Variants in IGF1R observed in about 807,000 individuals in gnomAD.
IGF1R encodes insulin like growth factor 1 receptor.
IGF1R carries 44 observed loss-of-function variants against 144.6 expected under a neutral mutation model. The observed-to-expected ratio is 0.30, with a 90% CI of 0.24 to 0.39. The LOEUF is 0.39. Ranked by LOEUF, IGF1R falls within the 10% of genes least tolerant of loss-of-function variation. IGF1R has a pLI of 1.00. For missense variants in IGF1R, 1,355 were observed against 1,833.7 expected (o/e 0.74, Z 4.77); for synonymous variants, 795 against 722.8 (o/e 1.10, Z -1.60).
chr15:98,763,489 G>A (rs1245735091), intron 2 of IGF1R, among the ~76,000 whole-genome samples: 1 of 150,556 alleles, frequency 6.6e-6, no homozygotes. Flanking sequence ...TGAGAACAAA[G>A]AATGTGTCCT....
At chr15:98,787,977 C>T (rs1257640601) in intron 2 of IGF1R, among the ~76,000 whole-genome samples, 5 of 151,886 alleles carry the variant, frequency 3.3e-5, no homozygotes, top group African/African-American at 7.3e-5. Context: ...TTGTTCACCA[C>T]GCTTGATGGC....
intron 2 of IGF1R, among the ~76,000 whole-genome samples, chr15:98,862,812 T>A (rs2715447): frequency 1 from 151,933 of 152,376 alleles, 75,747 homozygotes; most frequent in Middle Eastern, 1. Context: ...ATTAACTTTT[T>A]AATTTGAAAT....
At chr15:98,690,333 A>ACC (rs377721397) in intron 1 of IGF1R, among the ~76,000 whole-genome samples, 1 of 67,086 alleles carries the variant, frequency 1.5e-5, no homozygotes, top group African/African-American at 1.1e-4. Context: ...ACAGAGCAAG[A>ACC]CTATCCCAAA....
chr15:98,879,053 G>A (rs371385299), intron 2 of IGF1R, among the ~76,000 whole-genome samples: 1 of 152,114 alleles, frequency 6.6e-6, no homozygotes, highest in South Asian at 2.1e-4. Context: ...GTGTCCATGC[G>A]TGAAGAAACC....
At chr15:98,892,908 T>C (rs887716997) in intron 3 of IGF1R, among the ~76,000 whole-genome samples, 1 of 152,190 alleles carries the variant, frequency 6.6e-6, no homozygotes, top group African/African-American at 2.4e-5. Flanking sequence ...TCTCAGCTCC[T>C]TGGGAGTTGC....
chr15:98,886,197 G>T (rs1035861329), intron 2 of IGF1R, among the ~76,000 whole-genome samples: 1 of 152,132 alleles, frequency 6.6e-6, no homozygotes, highest in East Asian at 1.9e-4. Context: ...AAAACAAATG[G>T]TTTTTTAAAA....
intron 2 of IGF1R, among the ~76,000 whole-genome samples, chr15:98,810,043 G>A (rs2056552546): frequency 6.6e-6 from 1 of 152,068 alleles, no homozygotes; most frequent in Non-Finnish European, 1.5e-5. Context: ...TGGGAGCAAT[G>A]CTGAACCACT....
At chr15:98,816,921 A>G (rs1230505111) in intron 2 of IGF1R, among the ~76,000 whole-genome samples, 1 of 152,184 alleles carries the variant, frequency 6.6e-6, no homozygotes, top group South Asian at 2.1e-4. Context: ...GAGATCCTCA[A>G]AGCCAGGTTC....
rs774479139 is a variant in IGF1R at position 98,649,616 on chromosome 15, C to T, written c.35C>T (p.Ser12Leu). ...KSGSGGGSPT[S>L]LWGLLFLSAA... ...GGCTCCGGAGGAGGGTCCCCGACCT[C>T]GCTGTGGGGGCTCCTGTTTCTCTCC... The change falls in exon 1 of 21, where the codon TCG (serine) becomes TTG (leucine). Residue 12 changes from serine to leucine, a missense_variant. Ser to Leu is a moderately radical substitution (Grantham distance 145, BLOSUM62 -2). Around this residue, in one of 7 missense-constraint regions of IGF1R, gnomAD observed 49 missense variants for 34.7 expected, o/e 1.41. Transcript: ENST00000650285. The T allele has an allele frequency of 3.1e-6, 5 of 1,608,142 alleles. No individual in the cohort carries two copies. The highest frequency in any genetic ancestry group is 1.7e-4 in the Middle Eastern group (1 of 6,030).
chr15:98,935,833 C>G lies in IGF1R; in HGVS notation c.3297+407C>G, dbSNP rs2016122979. On this transcript the variant is annotated intron_variant, in intron 17 of 20. Transcript: ENST00000650285. This position sits in a 1 kb window ranked among gnomAD's most constrained non-coding sequence, Gnocchi z 4.2. ...TGACTCACATCCTCGTATGTGTTCT[C>G]TCTCGTTATGTTGTGTTGTGCTGTT... is the stretch of plus-strand genomic sequence containing the variant. 6.6e-6 allele frequency among the ~76,000 whole-genome samples: 1 copy of G among 152,192 alleles called. No homozygotes were observed.
At chr15:98,930,961 G>C (rs1160300569) in intron 15 of IGF1R, among the ~76,000 whole-genome samples, 2 of 152,114 alleles carry the variant, frequency 1.3e-5, no homozygotes, top group African/African-American at 4.8e-5. Context: ...TAGGGTGAGG[G>C]GTTGGTCACT....
At chr15:98,932,215 C>A (rs1480067839) in intron 15 of IGF1R, among the ~76,000 whole-genome samples, 1 of 152,328 alleles carries the variant, frequency 6.6e-6, no homozygotes, top group Admixed American at 6.5e-5. Context: ...TATTGCCACC[C>A]AGGTCGACAG....
intron 1 of IGF1R, among the ~76,000 whole-genome samples, chr15:98,687,553 C>G (rs1416379104): frequency 6.6e-6 from 1 of 152,210 alleles, no homozygotes; most frequent in East Asian, 1.9e-4. Flanking sequence ...TTTTGAAGGA[C>G]TTAATGCAGA....
chr15:98,772,097 C>T (rs58414853), intron 2 of IGF1R, among the ~76,000 whole-genome samples: 3,329 of 152,102 alleles, frequency 0.022, 110 homozygotes, highest in African/African-American at 0.075. Flanking sequence ...CCCCAAACTG[C>T]GAACAGAGAA....
chr15:98,764,668 C>T (rs771169921), intron 2 of IGF1R, among the ~76,000 whole-genome samples: 12 of 152,306 alleles, frequency 7.9e-5, no homozygotes, highest in South Asian at 6.2e-4. Context: ...GTAAGTTCTT[C>T]GTCTTCGAAT....
At chr15:98,782,943 A>C (rs1306236428) in intron 2 of IGF1R, among the ~76,000 whole-genome samples, 1 of 152,234 alleles carries the variant, frequency 6.6e-6, no homozygotes, top group African/African-American at 2.4e-5. Context: ...CTTAAAAATT[A>C]ACCTTTTTGG....
rs1160624249 is a variant in IGF1R, at chr15:98,726,350, C to CTT, written c.640+18244_640+18245dup. Among the ~76,000 whole-genome samples the CTT allele has an allele frequency of 2.0e-5, 3 of 152,180 alleles. No individual in the cohort carries two copies. The East Asian group carries it at 5.8e-4, about 29-fold the overall frequency. On this transcript the variant is annotated intron_variant, in intron 2 of 20. Coordinates refer to ENST00000650285, the MANE Select transcript of IGF1R (RefSeq NM_000875.5). ...CTGCTGAACACACACCCAGGGATGACTTAGTGGCTTGTCTTGCTCTGAAGA... is the reference window on the plus strand; with the variant it reads ...CTGCTGAACACACACCCAGGGATGACTTTTAGTGGCTTGTCTTGCTCTGAAGA...
At chr15:98,899,131 G>C (rs1360923001) in intron 4 of IGF1R, among the ~76,000 whole-genome samples, 1 of 152,220 alleles carries the variant, frequency 6.6e-6, no homozygotes, top group African/African-American at 2.4e-5. Context: ...GGGCCATACT[G>C]TCTGTTGACA....
At chr15:98,778,947 G>A (rs2055786582) in intron 2 of IGF1R, among the ~76,000 whole-genome samples, 1 of 152,224 alleles carries the variant, frequency 6.6e-6, no homozygotes, top group Non-Finnish European at 1.5e-5. Flanking sequence ...TTCTTCTTAT[G>A]AATAGATATC....
Sources: allele counts gnomAD v4.1 joint callset (sites outside exome capture counted in the v4.1 genomes callset), GRCh38; gene constraint gnomAD v4.1.1; regional missense constraint gnomAD v4.1.1; non-coding constraint Gnocchi (gnomAD v3.1); transcripts MANE v1.5; gene names NCBI Gene and HGNC (gene_info 2026-07-23, HGNC 2026-07-21).